PCDH15: variants seen among roughly 807,000 people sequenced by gnomAD.
PCDH15 encodes the protein protocadherin related 15.
A neutral mutation model predicts 178.5 loss-of-function variants in PCDH15; 129 were observed. The observed-to-expected ratio is 0.72, with a 90% confidence interval of 0.63 to 0.84. The LOEUF (loss-of-function observed/expected upper bound fraction) is 0.84. PCDH15 is among the 40% of genes least tolerant of loss of function. PCDH15 has a pLI of 0.00. For synonymous variants in PCDH15, 800 were observed against 732.0 expected, an observed-to-expected ratio of 1.09 and a Z score of -1.50; for missense variants, 2,230 against 2,099.9, an observed-to-expected ratio of 1.06 and a Z score of -1.21.
At chr10:53,907,838 A>C (rs2082786127) in intron 25 of PCDH15, among the ~76,000 whole-genome samples, 1 of 152,330 alleles carries the variant, frequency 6.6e-6, no homozygotes, top group South Asian at 2.1e-4. Flanking sequence ...ACATGGTAGA[A>C]GGAGTTCAGA....
intron 3 of PCDH15, among the ~76,000 whole-genome samples, chr10:54,474,392 G>A (rs2078127701): frequency 6.6e-6 from 1 of 151,898 alleles, no homozygotes; most frequent in South Asian, 2.1e-4. Flanking sequence ...AACAGGAATT[G>A]GGTTTGTTAT....
intron 24 of PCDH15, among the ~76,000 whole-genome samples, chr10:53,939,578 G>A (rs1252756502): frequency 6.6e-6 from 1 of 151,652 alleles, no homozygotes; most frequent in Non-Finnish European, 1.5e-5. Context: ...ATTTTTTCAT[G>A]TAATTAATAA....
At chr10:53,973,298 G>T (rs2089909394) in intron 21 of PCDH15, among the ~76,000 whole-genome samples, 1 of 123,730 alleles carries the variant, frequency 8.1e-6, no homozygotes, top group Admixed American at 9.1e-5. Context: ...TCATGGGGTG[G>T]GGGGAGGGGG....
chr10:55,375,106 ATGACCTCTT>A (rs1845588332), intron 2 of PCDH15, among the ~76,000 whole-genome samples: 1 of 152,140 alleles, frequency 6.6e-6, no homozygotes, highest in African/African-American at 2.4e-5. Flanking sequence ...GAACAGACAA[ATGACCTCTT>A]TTGGTAATTG....
rs759941634 is a variant in PCDH15, at chr10:53,852,754, C to CAA, written c.3806+4419_3806+4420dup. ...ATTTTTGCCTAAAATATTGGTCTAC[C>CAA]AAAAAAAAAAATGATCACATGACAT... is the stretch of plus-strand genomic sequence containing the variant. On this transcript the variant is annotated intron_variant, in intron 28 of 37. Coordinates refer to ENST00000644397, the MANE Select transcript of PCDH15 (RefSeq NM_001384140.1). Among the ~76,000 whole-genome samples, 4 of 143,752 alleles carry CAA rather than the reference C, an allele frequency of 2.8e-5. No homozygotes were observed. The South Asian group carries it at 8.8e-4, about 31-fold the overall frequency. 94.3% of individuals were successfully genotyped at this position (143,752 alleles called of 152,430 possible).
At chr10:55,010,885 G>T (rs1840031715) in intron 2 of PCDH15, among the ~76,000 whole-genome samples, 1 of 151,820 alleles carries the variant, frequency 6.6e-6, no homozygotes, top group African/African-American at 2.4e-5. Context: ...TTTTCAGGCT[G>T]TTAGCAATAG....
intron 1 of PCDH15, among the ~76,000 whole-genome samples, chr10:54,748,879 C>T (rs1277852230): frequency 1.3e-5 from 2 of 152,136 alleles, no homozygotes; most frequent in African/African-American, 2.4e-5. Context: ...AGATAAGACG[C>T]GTTGCTCCCT....
intron 1 of PCDH15, among the ~76,000 whole-genome samples, chr10:55,253,443 C>A (rs184535766): frequency 1.3e-5 from 2 of 152,032 alleles, no homozygotes; most frequent in African/African-American, 2.4e-5. Flanking sequence ...TCTTGGAATT[C>A]ATTCAAGCTT....
At chr10:54,496,967 G>A (rs541244227) in intron 3 of PCDH15, among the ~76,000 whole-genome samples, 2 of 151,974 alleles carry the variant, frequency 1.3e-5, no homozygotes, top group South Asian at 2.1e-4. Context: ...ATTAACCCAC[G>A]CCTCACTGCA....
At chr10:54,520,160 C>T (rs1315369444) in intron 3 of PCDH15, among the ~76,000 whole-genome samples, 1 of 152,138 alleles carries the variant, frequency 6.6e-6, no homozygotes, top group Non-Finnish European at 1.5e-5. Context: ...TGGGCAAGGA[C>T]TTTATGTCTA....
chr10:54,779,481 T>TATATGTGTATATATATACACAC (rs1566222419), intron 1 of PCDH15, among the ~76,000 whole-genome samples: 1,329 of 74,112 alleles, frequency 0.018, 48 homozygotes, highest in African/African-American at 0.067. Context: ...TATACACACA[T>TATATGTGTATATATATACACAC]ATATATGTAT....
At chr10:54,749,276 AT>A (rs899608725) in intron 1 of PCDH15, among the ~76,000 whole-genome samples, 1 of 152,188 alleles carries the variant, frequency 6.6e-6, no homozygotes, top group Admixed American at 6.5e-5. Flanking sequence ...CATGATGACG[AT>A]TTGTAAAAAC....
At chr10:54,521,254 A>C (rs2082833044) in intron 3 of PCDH15, among the ~76,000 whole-genome samples, 1 of 152,148 alleles carries the variant, frequency 6.6e-6, no homozygotes, top group Admixed American at 6.5e-5. Context: ...TACTGTTTTT[A>C]AGTCATTTAT....
intron 18 of PCDH15, among the ~76,000 whole-genome samples, chr10:54,046,095 C>A (rs1211126412): frequency 6.6e-6 from 1 of 152,116 alleles, no homozygotes; most frequent in Non-Finnish European, 1.5e-5. Context: ...TGAAAAGATT[C>A]TCAATGCCAT....
chr10:54,450,599 A>C (rs2076424340), intron 3 of PCDH15, among the ~76,000 whole-genome samples: 1 of 151,766 alleles, frequency 6.6e-6, no homozygotes, highest in Non-Finnish European at 1.5e-5. Flanking sequence ...ACTAAAGGCA[A>C]ATATAAATAA....
chr10:55,556,235 A>G (rs1160779185), intron 2 of PCDH15, among the ~76,000 whole-genome samples: 1 of 152,090 alleles, frequency 6.6e-6, no homozygotes, highest in Non-Finnish European at 1.5e-5. Flanking sequence ...CAAATTTTTG[A>G]TAAGACATGT....
intron 3 of PCDH15, among the ~76,000 whole-genome samples, chr10:54,816,767 T>C (rs1235292046): frequency 6.6e-6 from 1 of 152,076 alleles, no homozygotes; most frequent in Non-Finnish European, 1.5e-5. Flanking sequence ...TATGCAACTG[T>C]GGTCCACAAA....
chr10:55,257,559 A>G (rs1842032118), intron 1 of PCDH15, among the ~76,000 whole-genome samples: 1 of 152,254 alleles, frequency 6.6e-6, no homozygotes, highest in Non-Finnish European at 1.5e-5. Flanking sequence ...CTACGGCACG[A>G]GAACTACCTG....
chr10:54,315,071 T>G (rs138202974), intron 8 of PCDH15, among the ~76,000 whole-genome samples: 128 of 152,296 alleles, frequency 8.4e-4, no homozygotes, highest in African/African-American at 3.1e-3. Flanking sequence ...GACTGCTGGA[T>G]CAAATGGGAG....
Sources: allele counts gnomAD v4.1 joint callset (sites outside exome capture counted in the v4.1 genomes callset), GRCh38; gene constraint gnomAD v4.1.1; transcripts MANE v1.5; gene names NCBI Gene and HGNC (gene_info 2026-07-23, HGNC 2026-07-21).